TRPS1: variants seen among roughly 807,000 people sequenced by gnomAD.
TRPS1 encodes the protein zinc finger transcription factor Trps1.
A neutral mutation model predicts 101.2 loss-of-function variants in TRPS1; 6 were observed. The observed-to-expected ratio is 0.06, with a 90% CI of 0.03 to 0.12. The LOEUF is 0.12. Among genes scored for constraint, TRPS1 ranks in the 10% least tolerant of loss-of-function variants. The pLI, the probability that TRPS1 is intolerant of heterozygous loss-of-function variation, is 1.00. For missense variants in TRPS1, 1,363 were observed against 1,567.0 expected, an observed-to-expected ratio of 0.87 and a Z score of 2.20; for synonymous variants, 578 against 589.8, an observed-to-expected ratio of 0.98 and a Z score of 0.29.
intron 5 of TRPS1, among the ~76,000 whole-genome samples, chr8:115,518,483 T>C (rs1319260493): frequency 6.6e-6 from 1 of 151,814 alleles, no homozygotes; most frequent in Non-Finnish European, 1.5e-5. Context: ...TCATGATAAC[T>C]ATGTTATTTG....
At chr8:115,451,178 T>G (rs1813862178) in intron 5 of TRPS1, among the ~76,000 whole-genome samples, 1 of 152,238 alleles carries the variant, frequency 6.6e-6, no homozygotes, top group African/African-American at 2.4e-5. Context: ...AGTGCTCTAC[T>G]TAAAAGAATG....
intron 5 of TRPS1, among the ~76,000 whole-genome samples, chr8:115,439,466 G>A (rs1813535897): frequency 6.6e-6 from 1 of 152,158 alleles, no homozygotes. Context: ...GACAAATGTG[G>A]TTAACTATGT....
chr8:115,534,285 G>C (rs1464641464), intron 5 of TRPS1, among the ~76,000 whole-genome samples: 1 of 113,666 alleles, frequency 8.8e-6, no homozygotes, highest in Non-Finnish European at 1.9e-5. Flanking sequence ...CTCTAACCCC[G>C]ATACCATCAC....
chr8:115,416,751 A>G (rs1812931197), intron 6 of TRPS1, among the ~76,000 whole-genome samples: 1 of 152,032 alleles, frequency 6.6e-6, no homozygotes, highest in South Asian at 2.1e-4. Flanking sequence ...GAAAGATAAC[A>G]CAGTTGTTAT....
intron 5 of TRPS1, among the ~76,000 whole-genome samples, chr8:115,435,423 A>T (rs1327460474): frequency 6.6e-6 from 1 of 152,132 alleles, no homozygotes; most frequent in African/African-American, 2.4e-5. Context: ...AAGGAAGAGG[A>T]TTCTAAAGAC....
At chr8:115,656,488 A>T (rs1811678983) in intron 1 of TRPS1, among the ~76,000 whole-genome samples, 1 of 152,100 alleles carries the variant, frequency 6.6e-6, no homozygotes, top group Non-Finnish European at 1.5e-5. Flanking sequence ...ACCTGGTAAA[A>T]GTTGTGAGTT....
chr8:115,643,928 G>A (rs1818957275), intron 1 of TRPS1, among the ~76,000 whole-genome samples: 1 of 152,174 alleles, frequency 6.6e-6, no homozygotes. Flanking sequence ...TCATCTCTTT[G>A]TACATCTCCA....
intron 5 of TRPS1, among the ~76,000 whole-genome samples, chr8:115,421,096 T>C (rs2129781246): frequency 6.6e-6 from 1 of 152,086 alleles, no homozygotes; most frequent in Middle Eastern, 3.4e-3. Context: ...GCAATTCTCC[T>C]GCCTCAGCCT....
chr8:115,438,682 T>C (rs1255764257), intron 5 of TRPS1, among the ~76,000 whole-genome samples: 1 of 152,154 alleles, frequency 6.6e-6, no homozygotes, highest in Non-Finnish European at 1.5e-5. Flanking sequence ...AGATGGTCTA[T>C]AGTAACCTCA....
chr8:115,631,095 A>G (rs1818631503), intron 1 of TRPS1, among the ~76,000 whole-genome samples: 2 of 152,000 alleles, frequency 1.3e-5, no homozygotes, highest in African/African-American at 4.8e-5. Context: ...CATCACCAAC[A>G]TTACCAAACT....
Position 115,410,846 on chromosome 8 carries a change from G to A in TRPS1, c.*3177C>T, listed in dbSNP as rs1021599592. ...AGCTGGCACATCATTTTCATCACAG[G>A]GGAAGCCTTTTCCAAGAGAGAAAAT... On this transcript the variant is annotated 3_prime_UTR_variant, in exon 7 of 7. Coordinates refer to ENST00000395715, the MANE Select transcript of TRPS1 (RefSeq NM_014112.5). 6.6e-6 allele frequency: 1 copy of A among 151,426 alleles called. No individual in the cohort carries two copies. Among genetic ancestry groups the A allele is most frequent in the Non-Finnish European group, 1.5e-5 (1 of 67,860 alleles). 9.4% of individuals were successfully genotyped at this position (151,426 alleles called of 1,614,324 possible). A position where few individuals can be genotyped will look rare whatever the true frequency, so the allele number is the denominator to read the frequency against.
intron 5 of TRPS1, among the ~76,000 whole-genome samples, chr8:115,556,412 T>C (rs142485114): frequency 2.0e-5 from 3 of 152,108 alleles, no homozygotes; most frequent in Non-Finnish European, 4.4e-5. Context: ...ATATCCTCCA[T>C]CCAAAGACTG....
chr8:115,527,518 A>G (rs1586366296), intron 5 of TRPS1, among the ~76,000 whole-genome samples: 1 of 141,908 alleles, frequency 7.0e-6, no homozygotes, highest in Non-Finnish European at 1.5e-5. Context: ...AAAAAGTTGA[A>G]AAAAATTCAG....
At chr8:115,503,060 G>A (rs1815356274) in intron 5 of TRPS1, among the ~76,000 whole-genome samples, 2 of 151,970 alleles carry the variant, frequency 1.3e-5, no homozygotes, top group Non-Finnish European at 2.9e-5. Context: ...TCAGGAGATC[G>A]AGACCATCCT....
At chr8:115,421,236 C>T (rs1047129670) in intron 5 of TRPS1, among the ~76,000 whole-genome samples, 3 of 152,078 alleles carry the variant, frequency 2.0e-5, no homozygotes, top group Admixed American at 6.5e-5. Flanking sequence ...CTGCCCGCCT[C>T]GGCCTCCCAA....
At chr8:115,415,125 A>G in intron 6 of TRPS1, 41 bp from the exon 7 acceptor site, 1 of 1,548,906 alleles carries the variant, frequency 6.5e-7, no homozygotes, top group Non-Finnish European at 8.7e-7. Context: ...AAAACATTAA[A>G]AAATACATTA....
At chr8:115,564,679 G>A (rs1817026187) in intron 5 of TRPS1, among the ~76,000 whole-genome samples, 1 of 152,074 alleles carries the variant, frequency 6.6e-6, no homozygotes, top group Non-Finnish European at 1.5e-5. Flanking sequence ...TTGCCAAAAT[G>A]CTGAATTCAA....
chr8:115,577,663 T>C (rs868504990), intron 5 of TRPS1, among the ~76,000 whole-genome samples: 39 of 152,190 alleles, frequency 2.6e-4, no homozygotes, highest in Middle Eastern at 6.8e-3. Flanking sequence ...TGAAATATTA[T>C]GCATCAATAA....
chr8:115,541,895 A>T lies in TRPS1; in HGVS notation c.2700+45106T>A, dbSNP rs369730841. Among the ~76,000 whole-genome samples, 44 of 152,312 alleles carry T rather than the reference A, an allele frequency of 2.9e-4. 1 individual carries two copies. Among genetic ancestry groups the T allele is most frequent in the African/African-American group, 9.4e-4 (39 of 41,580 alleles). On this transcript the variant is annotated intron_variant, in intron 5 of 6. Transcript: ENST00000395715. ...CACAGCAGGACCCAAAATGAGTATC[A>T]CTATACTGGATTACACCAATAAGAG...
Sources: allele counts gnomAD v4.1 joint callset (sites outside exome capture counted in the v4.1 genomes callset), GRCh38; gene constraint gnomAD v4.1.1; transcripts MANE v1.5; gene names NCBI Gene and HGNC (gene_info 2026-07-23, HGNC 2026-07-21).